KLHL25: variants seen among roughly 807,000 people sequenced by gnomAD.
KLHL25 encodes kelch like family member 25.
In KLHL25, 41 loss-of-function variants were observed where a neutral mutation model predicts 30.0. That is an observed-to-expected ratio of 1.37 (90% confidence interval 1.07 to 1.78). The LOEUF (loss-of-function observed/expected upper bound fraction) is 1.78, where lower values mean the gene tolerates loss of function less well. Ranked by LOEUF, KLHL25 falls within the 40% of genes most tolerant of loss-of-function variation. The pLI is 0.00. For synonymous variants in KLHL25, 399 were observed against 355.3 expected (o/e 1.12, Z -1.38); for missense variants, 971 against 824.5 (o/e 1.18, Z -2.18).
intron 1 of KLHL25, among the ~76,000 whole-genome samples, chr15:85,774,119 T>C (rs1019505446): frequency 6.6e-6 from 1 of 152,000 alleles, no homozygotes; most frequent in Non-Finnish European, 1.5e-5. Context: ...GTGGGGAGCA[T>C]GTGAGAGGGC....
rs200053512 is a variant in KLHL25 at position 85,788,488 on chromosome 15, TG to T, written c.-11+6277del. 7.3e-3 allele frequency among the ~76,000 whole-genome samples: 1,104 copies of T among 152,254 alleles called. 16 individuals are homozygous for T. Among genetic ancestry groups the T allele is most frequent in the Admixed American group, 0.032 (486 of 15,298 alleles). On this transcript the variant is annotated intron_variant, in intron 1 of 2. Transcript: ENST00000337975. ...GGGAGGACCTTGCCTTGTTCTCCACTGAATCCCAGAGCCCGGCAGAGAACAG... is the reference window on the plus strand; with the variant it reads ...GGGAGGACCTTGCCTTGTTCTCCACTAATCCCAGAGCCCGGCAGAGAACAG...
rs780739992 is a variant in KLHL25 at position 85,768,130 on chromosome 15, T to G, written c.1681A>C (p.Thr561Pro). 1.2e-6 allele frequency: 2 copies of G among 1,614,092 alleles called. No individual in the cohort carries two copies. Among genetic ancestry groups the G allele is most frequent in the East Asian group, 4.5e-5 (2 of 44,902 alleles). The stretch of plus-strand genomic sequence containing the variant: ...GTGATGCAGTTCCATGTATCTGAAG[T>G]GGGGTCATAGCAGTCCAGAGTCTTA... ...RCKTLDCYDPTSDTWNCITTV... is the reference protein window; with the variant it reads ...RCKTLDCYDPPSDTWNCITTV... The change falls in exon 2 of 3, where the codon ACT (threonine) becomes CCT (proline). Residue 561 changes from threonine (T) to proline (P), a missense_variant. Coordinates refer to ENST00000337975, the MANE Select transcript of KLHL25 (RefSeq NM_022480.4).
At chr15:85,782,929 A>T (rs1044632436) in intron 1 of KLHL25, among the ~76,000 whole-genome samples, 4 of 152,162 alleles carry the variant, frequency 2.6e-5, no homozygotes, top group Non-Finnish European at 5.9e-5. Flanking sequence ...AGAATCGATT[A>T]GATGCTTAAT....
chr15:85,766,410 G>A (rs1376014836), intron 2 of KLHL25, among the ~76,000 whole-genome samples: 2 of 152,218 alleles, frequency 1.3e-5, no homozygotes, highest in East Asian at 1.9e-4. Context: ...CCTAAACACA[G>A]AGGGTGTGTT....
chr15:85,774,879 TC>T (rs2089699727), intron 1 of KLHL25, among the ~76,000 whole-genome samples: 2 of 109,150 alleles, frequency 1.8e-5, no homozygotes, highest in South Asian at 6.6e-4. Flanking sequence ...TTTTTTCTTT[TC>T]TTTTTTTTTT....
chr15:85,771,474 T>C (rs1219437065), intron 1 of KLHL25, among the ~76,000 whole-genome samples: 1 of 152,258 alleles, frequency 6.6e-6, no homozygotes, highest in Non-Finnish European at 1.5e-5. Flanking sequence ...TAAATGAGTG[T>C]CCGGCTACAT....
At chr15:85,779,655 A>G (rs899046640) in intron 1 of KLHL25, among the ~76,000 whole-genome samples, 2 of 152,226 alleles carry the variant, frequency 1.3e-5, no homozygotes, top group Admixed American at 6.5e-5. Flanking sequence ...CACTGGTTTT[A>G]CCTCAACTTT....
intron 1 of KLHL25, among the ~76,000 whole-genome samples, chr15:85,775,472 G>A (rs944708881): frequency 8.5e-5 from 13 of 152,124 alleles, no homozygotes; most frequent in South Asian, 2.1e-4. Flanking sequence ...TATGCACTGG[G>A]TGCATCGGAG....
At chr15:85,770,725 C>CCAGG (rs1157054838) in intron 1 of KLHL25, 1 of 366,042 alleles carries the variant, frequency 2.7e-6, no homozygotes, top group Non-Finnish European at 5.5e-6. Context: ...CCAGAGCTTC[C>CCAGG]CAGGTCCCCC....
In KLHL25 at chr15:85,789,607, G is replaced by A. The variant is rs1258089896; in HGVS notation, c.-11+5159C>T. ...TTGTCCAACTCTCTGCTGGGAGGTG[G>A]CCCTGGCTCTGTGCCCAAGGGACAT... On this transcript the variant is annotated intron_variant, in intron 1 of 2. Coordinates refer to ENST00000337975, the MANE Select transcript of KLHL25 (RefSeq NM_022480.4). This position sits in a 1 kb window ranked among gnomAD's most constrained non-coding sequence, Gnocchi z 4.1. Among the ~76,000 whole-genome samples the A allele has an allele frequency of 6.6e-6, 1 of 152,144 alleles. No homozygotes were observed. Among genetic ancestry groups the A allele is most frequent in the Non-Finnish European group, 1.5e-5 (1 of 68,022 alleles).
At chr15:85,776,172 CAA>C (rs60382493) in intron 1 of KLHL25, among the ~76,000 whole-genome samples, 77 of 127,340 alleles carry the variant, frequency 6.0e-4, no homozygotes, top group African/African-American at 5.1e-4. Flanking sequence ...GACTCTGTCT[CAA>C]AAAAAAAAAA....
intron 1 of KLHL25, among the ~76,000 whole-genome samples, chr15:85,787,050 C>T (rs1053514507): frequency 6.6e-6 from 1 of 152,118 alleles, no homozygotes; most frequent in Non-Finnish European, 1.5e-5. Flanking sequence ...GGACTAGAAT[C>T]AAAGGACAAA....
In KLHL25 at chr15:85,768,826, G is replaced by C; in HGVS notation, c.985C>G (p.Pro329Ala). ...EIIPKADLPS[P>A]RKEFSASAIG... The stretch of plus-strand genomic sequence containing the variant: ...GCTGAGGCGCTGAACTCCTTCCGGG[G>C]GCTGGGCAGGTCGGCCTTGGGGATG... Residue 329 changes from proline to alanine, a missense_variant, in exon 2 of 3, where the codon CCC (proline) becomes GCC (alanine). By Grantham distance (27) the Pro-to-Ala change is conservative (BLOSUM62 -1). Coordinates refer to ENST00000337975, the MANE Select transcript of KLHL25 (RefSeq NM_022480.4). 1 of 1,613,360 alleles carries C rather than the reference G, an allele frequency of 6.2e-7. No individual in the cohort carries two copies. Among genetic ancestry groups the C allele is most frequent in the Non-Finnish European group, 8.5e-7 (1 of 1,180,040 alleles).
At chr15:85,774,855 C>G (rs892666376) in intron 1 of KLHL25, among the ~76,000 whole-genome samples, 1 of 151,350 alleles carries the variant, frequency 6.6e-6, no homozygotes, top group Admixed American at 6.6e-5. Flanking sequence ...TCCCCACTCC[C>G]GCAGTGCGAT....
chr15:85,779,569 A>T (rs988294961), intron 1 of KLHL25, among the ~76,000 whole-genome samples: 11 of 152,252 alleles, frequency 7.2e-5, no homozygotes, highest in Non-Finnish European at 1.5e-4. Context: ...TACTATTTTC[A>T]CTATGGCTTA....
chr15:85,786,438 C>A (rs1471554101), intron 1 of KLHL25, among the ~76,000 whole-genome samples: 1 of 152,212 alleles, frequency 6.6e-6, no homozygotes, highest in Non-Finnish European at 1.5e-5. Context: ...TTCCCTGGCT[C>A]CTCTATCATG....
chr15:85,777,575 A>G (rs2089717799), intron 1 of KLHL25, among the ~76,000 whole-genome samples: 1 of 152,158 alleles, frequency 6.6e-6, no homozygotes, highest in Non-Finnish European at 1.5e-5. Flanking sequence ...CACGTAACGC[A>G]CCCAAACATT....
In KLHL25 at chr15:85,768,455, G is replaced by A. The variant is rs753782959; in HGVS notation, c.1356C>T (p.Thr452=). 6.2e-7 allele frequency: 1 copy of A among 1,613,488 alleles called. No homozygotes were observed. Among genetic ancestry groups the A allele is most frequent in the Non-Finnish European group, 8.5e-7 (1 of 1,179,842 alleles). The stretch of plus-strand genomic sequence containing the variant: ...TGGACACCATGTCCCGGTGGATGCT[G>A]GTTCCTCCGAAAACAAAGAGCTTCA... ...AKLKLFVFGG[T]SIHRDMVSKV... is the part of the protein sequence containing the mutation. The change falls in exon 2 of 3, where the codon ACC becomes ACT. Residue 452 remains threonine (T), a synonymous_variant. Coordinates refer to ENST00000337975, the MANE Select transcript of KLHL25 (RefSeq NM_022480.4).
At position 85,768,619 on chromosome 15, in the gene KLHL25, ATG is replaced by A. The variant is rs1312143202; in HGVS notation, c.1190_1191del (p.Thr397IlefsTer69). The A allele has an allele frequency of 1.9e-6, 3 of 1,611,864 alleles. No individual in the cohort carries two copies. The highest frequency in any genetic ancestry group is 3.3e-5 in the Admixed American group (2 of 59,972). ...GAGGCCGGGAAGACCCCTGCCAGGGATGTGTGTCCCCCCACCACATAGAGGCA... is the reference window on the plus strand; with the variant it reads ...GAGGCCGGGAAGACCCCTGCCAGGGATGTGTCCCCCCACCACATAGAGGCA... ...ENCLYVVGGH[T>X]SLAGVFPASP... On this transcript the variant is annotated frameshift_variant, in exon 2 of 3. Transcript: ENST00000337975. LOFTEE classifies it high-confidence loss of function.
Sources: allele counts gnomAD v4.1 joint callset (sites outside exome capture counted in the v4.1 genomes callset), GRCh38; gene constraint gnomAD v4.1.1; non-coding constraint Gnocchi (gnomAD v3.1); transcripts MANE v1.5; gene names NCBI Gene and HGNC (gene_info 2026-07-23, HGNC 2026-07-21).